The following SUCLG1 variants were observed in gnomAD, a reference collection of about 807,000 sequenced individuals.
SUCLG1 encodes succinate--CoA ligase [ADP/GDP-forming] subunit alpha, mitochondrial.
In SUCLG1, 26 loss-of-function variants were observed where a neutral mutation model predicts 37.3. The ratio of observed to expected loss-of-function variants is 0.70; its 90% CI spans 0.51 to 0.97. The LOEUF (loss-of-function observed/expected upper bound fraction) is 0.97, where lower values mean the gene tolerates loss of function less well. Ranked by LOEUF, SUCLG1 falls within the 50% of genes least tolerant of loss-of-function variation. The pLI is 0.00. For missense variants in SUCLG1, 433 were observed against 432.9 expected, an observed-to-expected ratio of 1.00 and a Z score of 0.00; for synonymous variants, 163 against 155.6, an observed-to-expected ratio of 1.05 and a Z score of -0.36.
intron 7 of SUCLG1, among the ~76,000 whole-genome samples, chr2:84,427,863 T>C (rs1191073304): frequency 6.6e-6 from 1 of 152,236 alleles, no homozygotes; most frequent in African/African-American, 2.4e-5. Flanking sequence ...AGGGTCATAA[T>C]TTAATAAAAT....
In SUCLG1 at chr2:84,440,352, G is replaced by A. The variant is rs550614471; in HGVS notation, c.589+695C>T. On this transcript the variant is annotated intron_variant, in intron 5 of 8. Transcript: ENST00000393868. ...CGAGCCATTGCACTCCAGCCTGGGC[G>A]ACAGAGCAAAACTCTGTCTCAAAAA... Among the ~76,000 whole-genome samples, 19 of 152,240 alleles carry A rather than the reference G, an allele frequency of 1.2e-4. No individual in the cohort carries two copies. The South Asian group carries it at 2.3e-3, about 18-fold the overall frequency.
chr2:84,439,181 CT>C (rs377710904), intron 5 of SUCLG1, among the ~76,000 whole-genome samples: 3,735 of 143,284 alleles, frequency 0.026, 132 homozygotes, highest in African/African-American at 0.087. Context: ...ATATTTTCTT[CT>C]TTTTTTTAAA....
Position 84,431,654 on chromosome 2 carries a change from C to T in SUCLG1, c.679G>A (p.Gly227Arg), listed in dbSNP as rs757620469. Reference sequence around the variant, plus strand: ...TCTGTTCCATTAAAAGGATCACCTCCAATGCCTGAAAAAGTTGAAAAATAT... The same window carrying T: ...TCTGTTCCATTAAAAGGATCACCTCTAATGCCTGAAAAAGTTGAAAAATAT... The part of the protein sequence containing the change: ...GLGQSLCVGI[G>R]GDPFNGTDFI... The change falls in exon 7 of 9, where the codon GGA (glycine) becomes AGA (arginine). Residue 227 changes from glycine (G) to arginine (R), a missense_variant. Gly to Arg is a moderately radical substitution (Grantham distance 125, BLOSUM62 -2). Coordinates refer to ENST00000393868, the MANE Select transcript of SUCLG1 (RefSeq NM_003849.4). The T allele has an allele frequency of 1.2e-6, 2 of 1,613,794 alleles. No homozygotes were observed. Among genetic ancestry groups the T allele is most frequent in the Non-Finnish European group, 1.7e-6 (2 of 1,179,890 alleles).
In SUCLG1 at chr2:84,441,393, TG is replaced by T; in HGVS notation, c.384del (p.Ile129LeufsTer39). ...ATTTCTGCCTCAATAGCTTCATTAA[TG>T]GCAGCAGCAGCAAAAGGCGGAGGAA... ...IYVPPPFAAAAINEAIEAEIP... is the reference protein window; with the variant it reads ...IYVPPPFAAAXINEAIEAEIP... On this transcript the variant is annotated frameshift_variant, in exon 4 of 9. Coordinates refer to ENST00000393868, the MANE Select transcript of SUCLG1 (RefSeq NM_003849.4). LOFTEE classifies it high-confidence loss of function. 1.2e-6 allele frequency: 2 copies of T among 1,614,202 alleles called. No homozygotes were observed. Among genetic ancestry groups the T allele is most frequent in the Non-Finnish European group, 1.7e-6 (2 of 1,180,030 alleles).
intron 5 of SUCLG1, among the ~76,000 whole-genome samples, chr2:84,434,071 T>G (rs1272825450): frequency 2.0e-5 from 3 of 152,072 alleles, no homozygotes; most frequent in Non-Finnish European, 4.4e-5. Context: ...CTGCCATGAG[T>G]AAAAGATTCC....
chr2:84,459,056 C>A, intron 1 of SUCLG1, 117 bp downstream of exon 1: 2 of 1,082,744 alleles, frequency 1.8e-6, no homozygotes, highest in South Asian at 3.5e-5. Flanking sequence ...CCAAGCGGCT[C>A]CCAGGCCCCC....
intron 5 of SUCLG1, among the ~76,000 whole-genome samples, chr2:84,438,751 G>A (rs1264810181): frequency 6.6e-6 from 1 of 152,196 alleles, no homozygotes; most frequent in Non-Finnish European, 1.5e-5. Flanking sequence ...TGTCTTACAA[G>A]AGGATTATAA....
intron 1 of SUCLG1, 84 bp from the exon 2 acceptor site, chr2:84,449,836 A>G (rs1672913652): frequency 2.5e-6 from 3 of 1,177,064 alleles, no homozygotes; most frequent in East Asian, 2.5e-5. Flanking sequence ...CAACTTGATC[A>G]CAAAAAAAAA....
intron 7 of SUCLG1, chr2:84,426,212 G>A (rs1672533580): frequency 6.6e-6 from 1 of 152,484 alleles, no homozygotes; most frequent in Non-Finnish European, 1.4e-5. Context: ...GGGAAGATCA[G>A]AATTGGTTTT....
At chr2:84,433,171 C>A in intron 6 of SUCLG1, 181 bp downstream of exon 6, 1 of 669,642 alleles carries the variant, frequency 1.5e-6, no homozygotes, top group South Asian at 1.8e-5. Context: ...AATCTTGGAC[C>A]ATGAATCTTG....
chr2:84,449,616 T>G (rs768134383), intron 2 of SUCLG1, 33 bp downstream of exon 2: 9 of 1,379,056 alleles, frequency 6.5e-6, no homozygotes, highest in Non-Finnish European at 9.1e-6. Flanking sequence ...ATCTCTAGTC[T>G]ACATTTGAAA....
At chr2:84,449,184 G>A (rs1459706258) in intron 2 of SUCLG1, among the ~76,000 whole-genome samples, 2 of 152,236 alleles carry the variant, frequency 1.3e-5, no homozygotes, top group African/African-American at 2.4e-5. Flanking sequence ...GTCAGTGGGC[G>A]GGTTCTTCCC....
At chr2:84,442,730 A>T (rs1372574939) in intron 3 of SUCLG1, among the ~76,000 whole-genome samples, 1 of 152,224 alleles carries the variant, frequency 6.6e-6, no homozygotes, top group Non-Finnish European at 1.5e-5. Context: ...AATCTAGGAC[A>T]CTGTGATTTG....
intron 7 of SUCLG1, among the ~76,000 whole-genome samples, chr2:84,427,477 T>C (rs1336848422): frequency 2.0e-5 from 3 of 152,234 alleles, no homozygotes; most frequent in Non-Finnish European, 4.4e-5. Context: ...GTTATGCAGA[T>C]CTTCCAAATG....
intron 5 of SUCLG1, among the ~76,000 whole-genome samples, chr2:84,434,727 A>G (rs1476499656): frequency 6.6e-6 from 1 of 150,906 alleles, no homozygotes; most frequent in African/African-American, 2.5e-5. Flanking sequence ...TCAACCTGAG[A>G]CAAAAACCAT....
At chr2:84,453,057 G>GGCGGTCC (rs1399542632) in intron 1 of SUCLG1, among the ~76,000 whole-genome samples, 3 of 152,158 alleles carry the variant, frequency 2.0e-5, no homozygotes, top group Non-Finnish European at 4.4e-5. Flanking sequence ...AAATGCTTCT[G>GGCGGTCC]GCGGTCCCCA....
Position 84,449,691 on chromosome 2 carries a change from A to T in SUCLG1, c.159T>A (p.Asp53Glu), listed in dbSNP as rs138470502. Residue 53 changes from aspartate to glutamate, a missense_variant, in exon 2 of 9, where the codon GAT (aspartate) becomes GAA (glutamate). Asp to Glu is a conservative substitution (Grantham distance 45). Coordinates refer to ENST00000393868, the MANE Select transcript of SUCLG1 (RefSeq NM_003849.4). ...YTASRQHLYV[D>E]KNTKIICQGF... is the part of the protein sequence containing the mutation. Reference sequence around the variant, plus strand: ...CCTGGCAAATAATCTTTGTATTTTTATCAACATAGAGATGTTGCCGAGAAG... The same window carrying T: ...CCTGGCAAATAATCTTTGTATTTTTTTCAACATAGAGATGTTGCCGAGAAG... 1.6e-5 allele frequency: 26 copies of T among 1,591,420 alleles called. No homozygotes were observed. The African/African-American group carries it at 3.3e-4, about 20-fold the overall frequency.
At chr2:84,432,982 A>C in intron 6 of SUCLG1, 1 of 289,432 alleles carries the variant, frequency 3.5e-6, no homozygotes, top group Non-Finnish European at 6.7e-6. Context: ...AGAATGAGAC[A>C]CTGAATGGCA....
In SUCLG1 at chr2:84,443,389, G is replaced by T. The variant is rs777285547; in HGVS notation, c.213C>A (p.His71Gln). Residue 71 changes from histidine (H) to glutamine (Q), a missense_variant, in exon 3 of 9, where the codon CAC (histidine) becomes CAA (glutamine). Physicochemically the swap from His to Gln is conservative, Grantham distance 24. Coordinates refer to ENST00000393868, the MANE Select transcript of SUCLG1 (RefSeq NM_003849.4). The part of the protein sequence containing the change: ...QGFTGKQGTF[H>Q]SQQALEYGTK... ...TGCCATATTCCAATGCCTGCTGGCT[G>T]TGAAAGGTGCCCTGAGGGGAAAAAG... The T allele has an allele frequency of 6.2e-7, 1 of 1,614,104 alleles. No homozygotes were observed. Among genetic ancestry groups the T allele is most frequent in the Admixed American group, 1.7e-5 (1 of 60,026 alleles).
Sources: gnomAD v4.1 joint callset for allele counts (sites outside exome capture counted in the v4.1 genomes callset) on GRCh38, gnomAD v4.1.1 for gene constraint, MANE v1.5 for transcripts, NCBI Gene and HGNC (gene_info 2026-07-23, HGNC 2026-07-21) for gene names.